Variants in WASHC4 observed in about 807,000 individuals in gnomAD.
WASHC4 encodes WASH complex subunit 7.
A neutral mutation model predicts 166.6 loss-of-function variants in WASHC4; 86 were observed. That is an observed-to-expected ratio of 0.52 (90% CI 0.43 to 0.62). WASHC4 has a LOEUF of 0.62. Ranked by LOEUF, WASHC4 falls within the 20% of genes least tolerant of loss-of-function variation. The pLI, the probability that WASHC4 is intolerant of heterozygous loss-of-function variation, is 0.00. For synonymous variants in WASHC4, 446 were observed against 451.6 expected (o/e 0.99, Z 0.16); for missense variants, 1,262 against 1,382.4 (o/e 0.91, Z 1.38).
chr12:105,156,790 T>A lies in WASHC4; in HGVS notation c.2823T>A (p.Ile941=), dbSNP rs768072702. 2 of 1,609,894 alleles carry A rather than the reference T, an allele frequency of 1.2e-6. No individual in the cohort carries two copies. The highest frequency in any genetic ancestry group is 2.2e-5 in the South Asian group (2 of 91,014). Residue 941 remains isoleucine (I), a splice_region_variant and synonymous_variant, in exon 27 of 33, where the codon ATT becomes ATA. Coordinates refer to ENST00000332180, the MANE Select transcript of WASHC4 (RefSeq NM_015275.3). ...SGGLHCSSNA[I]RFVPDLEDIV... ...GTCTTCATTGTAGCAGCAATGCCAT[T>A]AGGTATGGATGCAAACATCATTTTT...
At chr12:105,131,246 C>A (rs1447403980) in intron 13 of WASHC4, among the ~76,000 whole-genome samples, 2 of 150,906 alleles carry the variant, frequency 1.3e-5, no homozygotes, top group Non-Finnish European at 3.0e-5. Flanking sequence ...GCCACCGCGC[C>A]CGGCTAATTT....
intron 1 of WASHC4, among the ~76,000 whole-genome samples, chr12:105,110,604 T>G (rs1401457708): frequency 1.3e-5 from 2 of 152,344 alleles, no homozygotes; most frequent in South Asian, 4.1e-4. Flanking sequence ...TTAGACATTA[T>G]AGAAATAATA....
At chr12:105,132,338 A>G (rs1166892347) in intron 13 of WASHC4, among the ~76,000 whole-genome samples, 4 of 152,076 alleles carry the variant, frequency 2.6e-5, no homozygotes, top group African/African-American at 7.2e-5. Flanking sequence ...CACCCAGCTA[A>G]TTTTTGTATT....
In WASHC4 at chr12:105,164,723, AAAAG is replaced by A. The variant is rs1263813193; in HGVS notation, c.3443_3446del (p.Lys1148ArgfsTer24). The stretch of plus-strand genomic sequence containing the variant: ...AAGACTGCGGCTGAAGAAAACCAAG[AAAAG>A]AAAGAGAAGGAAGGTCAGTGAGTGG... On this transcript the variant is annotated frameshift_variant, in exon 32 of 33. Transcript: ENST00000332180. LOFTEE classifies it high-confidence loss of function. The A allele has an allele frequency of 4.3e-6, 7 of 1,612,370 alleles. No homozygotes were observed. The highest frequency in any genetic ancestry group is 5.9e-6 in the Non-Finnish European group (7 of 1,178,952).
intron 29 of WASHC4, 121 bp downstream of exon 29, chr12:105,160,269 AAAACTAAATGT>A: frequency 2.4e-6 from 2 of 827,658 alleles, no homozygotes; most frequent in South Asian, 3.1e-5. Flanking sequence ...GGTTGCATAT[AAAACTAAATGT>A]GATCTCAGTG....
In WASHC4 at chr12:105,151,875, A is replaced by G. The variant is rs11611547; in HGVS notation, c.2650-468A>G. On this transcript the variant is annotated intron_variant, in intron 25 of 32. Transcript: ENST00000332180. ...GCTTTCTTATTATTACAAAATGAATAATTTCCTAAATCTCCTAATCAACCA... is the reference window on the plus strand; with the variant it reads ...GCTTTCTTATTATTACAAAATGAATGATTTCCTAAATCTCCTAATCAACCA... Among the ~76,000 whole-genome samples the G allele has an allele frequency of 6.2e-3, 950 of 152,354 alleles. 11 individuals carry two copies. The highest frequency in any genetic ancestry group is 7.2e-3 in the Non-Finnish European group (493 of 68,042).
At position 105,152,366 on chromosome 12, in the gene WASHC4, A is replaced by T. The variant is rs908510097; in HGVS notation, c.2673A>T (p.Lys891Asn). The T allele has an allele frequency of 6.3e-7, 1 of 1,598,088 alleles. No homozygotes were observed. The highest frequency in any genetic ancestry group is 8.6e-7 in the Non-Finnish European group (1 of 1,165,772). Residue 891 changes from lysine to asparagine, a missense_variant, in exon 26 of 33, where the codon AAA becomes AAT. Transcript: ENST00000332180. ...DHKYPFDRAE[K>N]FNRGIRKLGV... is the part of the protein sequence containing the mutation. Reference sequence around the variant, plus strand: ...AGTATCCTTTTGATAGAGCAGAAAAATTCAATCGAGGCATCAGAAAACTTG... The same window carrying T: ...AGTATCCTTTTGATAGAGCAGAAAATTTCAATCGAGGCATCAGAAAACTTG...
intron 1 of WASHC4, among the ~76,000 whole-genome samples, chr12:105,109,364 T>A (rs1312955045): frequency 6.6e-6 from 1 of 152,194 alleles, no homozygotes; most frequent in African/African-American, 2.4e-5. Flanking sequence ...AGATATTTTC[T>A]ACAACCAGTG....
Position 105,120,705 on chromosome 12 carries a change from C to CGTGTGT in WASHC4, c.561+121_561+126dup, listed in dbSNP as rs71986370. 4 of 698,408 alleles carry CGTGTGT rather than the reference C, an allele frequency of 5.7e-6. 1 individual carries two copies. Among genetic ancestry groups the CGTGTGT allele is most frequent in the Admixed American group, 4.1e-5 (2 of 48,550 alleles). 43.3% of individuals were successfully genotyped at this position (698,408 alleles called of 1,614,324 possible). ...AGTCATAGGAACACTCTTAAAGAGG[C>CGTGTGT]GTGTGTGTGTGTGTGTGTTTGTGTG... On this transcript the variant is annotated intron_variant, in intron 8 of 32. Coordinates refer to ENST00000332180, the MANE Select transcript of WASHC4 (RefSeq NM_015275.3).
chr12:105,130,375 TC>T (rs1812284547), intron 13 of WASHC4, among the ~76,000 whole-genome samples: 1 of 152,198 alleles, frequency 6.6e-6, no homozygotes, highest in Non-Finnish European at 1.5e-5. Context: ...CAGTCCAAGA[TC>T]TGTGGGAAGT....
At chr12:105,135,380 A>G (rs2135777092) in intron 14 of WASHC4, among the ~76,000 whole-genome samples, 1 of 151,226 alleles carries the variant, frequency 6.6e-6, no homozygotes, top group South Asian at 2.1e-4. Flanking sequence ...TTGCTGTGTT[A>G]GAATTCTAGG....
Position 105,144,297 on chromosome 12 carries a change from A to T in WASHC4, c.2021A>T (p.Asp674Val), listed in dbSNP as rs770201728. 1.2e-6 allele frequency: 2 copies of T among 1,612,338 alleles called. No individual in the cohort carries two copies. Among genetic ancestry groups the T allele is most frequent in the Non-Finnish European group, 1.7e-6 (2 of 1,178,942 alleles). The change falls in exon 21 of 33, where the codon GAC becomes GTC. Residue 674 changes from aspartate (D) to valine (V), a missense_variant. Coordinates refer to ENST00000332180, the MANE Select transcript of WASHC4 (RefSeq NM_015275.3). ...IMEILNEHLLDKLCKEIEKDL... is the reference protein window; with the variant it reads ...IMEILNEHLLVKLCKEIEKDL... ...ATCTTTTGTGAATAGCATTTGCTGG[A>T]CAAATTATGCAAAGAAATAGAGAAA...
chr12:105,129,125 T>C (rs1244562328), intron 13 of WASHC4, among the ~76,000 whole-genome samples: 1 of 152,118 alleles, frequency 6.6e-6, no homozygotes, highest in Non-Finnish European at 1.5e-5. Context: ...TTTGTATTTT[T>C]AGTAGAGACT....
At chr12:105,143,289 G>A in intron 20 of WASHC4, 46 bp downstream of exon 20, 1 of 1,116,950 alleles carries the variant, frequency 9.0e-7, no homozygotes, top group Non-Finnish European at 1.4e-6. Flanking sequence ...TGTTTGGAAT[G>A]TAGTGTTTGG....
chr12:105,144,900 T>C (rs1883172914), intron 22 of WASHC4, 28 bp downstream of exon 22: 2 of 1,605,590 alleles, frequency 1.2e-6, no homozygotes, highest in East Asian at 4.5e-5. Flanking sequence ...TTTTTTAGCA[T>C]ACTGTGACTG....
rs1882790055 is a variant in WASHC4 at position 105,140,944 on chromosome 12, G to A, written c.1606G>A (p.Val536Met). Reference protein sequence around the residue: ...DKKYSEQRLDVLSALVLAENT... With the variant: ...DKKYSEQRLDMLSALVLAENT... ...AAAATACAGCGAACAGCGTCTTGAT[G>A]TGCTCTCTGCTCTAGTTTTGGCTGA... The change falls in exon 17 of 33, where the codon GTG (valine) becomes ATG (methionine). Residue 536 changes from valine to methionine, a missense_variant. Transcript: ENST00000332180. 2 of 1,614,050 alleles carry A rather than the reference G, an allele frequency of 1.2e-6. No individual in the cohort carries two copies. Among genetic ancestry groups the A allele is most frequent in the Non-Finnish European group, 8.5e-7 (1 of 1,179,964 alleles).
chr12:105,143,235 T>G lies in WASHC4; in HGVS notation c.2002T>G (p.Leu668Val). 1.3e-6 allele frequency: 2 copies of G among 1,494,904 alleles called. No homozygotes were observed. The allele number at this position is 1,494,904 out of a possible 1,614,324, so 92.6% of individuals were successfully genotyped here. The change falls in exon 20 of 33, where the codon TTA becomes GTA. Residue 668 changes from leucine to valine, a missense_variant. Coordinates refer to ENST00000332180, the MANE Select transcript of WASHC4 (RefSeq NM_015275.3). ...DCYDKEIMEILNEHLLDKLCK... is the reference protein window; with the variant it reads ...DCYDKEIMEIVNEHLLDKLCK... Reference sequence around the variant, plus strand: ...CTATGACAAGGAAATTATGGAAATTTTAAATGAGGTAACATCATATTTGAG... The same window carrying G: ...CTATGACAAGGAAATTATGGAAATTGTAAATGAGGTAACATCATATTTGAG...
At chr12:105,140,171 T>C in intron 15 of WASHC4, 123 bp from the exon 16 acceptor site, 1 of 759,222 alleles carries the variant, frequency 1.3e-6, no homozygotes, top group Non-Finnish European at 2.3e-6. Context: ...ACGCCAGGAC[T>C]GTAAGGTTTT....
Position 105,144,280 on chromosome 12 carries a change from T to C in WASHC4, c.2011-7T>C, listed in dbSNP as rs778530415. The C allele has an allele frequency of 3.7e-6, 6 of 1,609,044 alleles. No individual in the cohort carries two copies. The highest frequency in any genetic ancestry group is 8.5e-7 in the Non-Finnish European group (1 of 1,176,212). On this transcript the variant is annotated splice_polypyrimidine_tract_variant and splice_region_variant and intron_variant, in intron 20 of 32. Transcript: ENST00000332180. ...AAAAATTAAAGTATCAAATCTTTTG[T>C]GAATAGCATTTGCTGGACAAATTAT... is the stretch of plus-strand genomic sequence containing the variant.
Sources: allele counts gnomAD v4.1 joint callset (sites outside exome capture counted in the v4.1 genomes callset), GRCh38; gene constraint gnomAD v4.1.1; transcripts MANE v1.5; gene names NCBI Gene and HGNC (gene_info 2026-07-23, HGNC 2026-07-21).